Variants in CYB5B observed in about 807,000 individuals in gnomAD.
CYB5B encodes the protein cytochrome b5 type B.
A neutral mutation model predicts 21.3 loss-of-function variants in CYB5B; 14 were observed. The ratio of observed to expected loss-of-function variants is 0.66; its 90% confidence interval spans 0.43 to 1.03. CYB5B has a LOEUF of 1.03. CYB5B is among the 50% of genes least tolerant of loss of function. CYB5B has a pLI of 0.00. For missense variants in CYB5B, 166 were observed against 185.1 expected (o/e 0.90, Z 0.60); for synonymous variants, 69 against 68.4 (o/e 1.01, Z -0.04).
chr16:69,449,401 TG>T, intron 3 of CYB5B: 1 of 152,312 alleles, frequency 6.6e-6, no homozygotes, highest in East Asian at 1.9e-4. Context: ...ATATTGAACA[TG>T]TCCAGAAAAT....
At chr16:69,438,547 T>C (rs2014785561) in intron 1 of CYB5B, among the ~76,000 whole-genome samples, 1 of 152,174 alleles carries the variant, frequency 6.6e-6, no homozygotes, top group African/African-American at 2.4e-5. Flanking sequence ...ATTTTTTTTT[T>C]TTAATTGTAG....
intron 4 of CYB5B, among the ~76,000 whole-genome samples, chr16:69,459,806 A>G (rs950273252): frequency 6.6e-6 from 1 of 152,154 alleles, no homozygotes; most frequent in African/African-American, 2.4e-5. Flanking sequence ...AAAGTATCAG[A>G]TCTATTACTT....
intron 1 of CYB5B, among the ~76,000 whole-genome samples, chr16:69,439,597 C>G (rs192039220): frequency 8.2e-4 from 124 of 152,084 alleles, no homozygotes; most frequent in African/African-American, 2.9e-3. Flanking sequence ...GAGACAGTCT[C>G]ACTCTGTCAC....
In CYB5B at chr16:69,447,368, G is replaced by A. The variant is rs547378549; in HGVS notation, c.303+90G>A. 146 of 1,516,580 alleles carry A rather than the reference G, an allele frequency of 9.6e-5. 1 individual carries two copies. Among genetic ancestry groups the A allele is most frequent in the South Asian group, 2.4e-4 (19 of 78,588 alleles). The allele number at this position is 1,516,580 out of a possible 1,614,324, so 93.9% of individuals were successfully genotyped here. ...TGAAGAAATGAATTATTGGCTGGGCGTGGTGGCTCACACCTGTCATCCCAG... is the reference window on the plus strand; with the variant it reads ...TGAAGAAATGAATTATTGGCTGGGCATGGTGGCTCACACCTGTCATCCCAG... On this transcript the variant is annotated intron_variant, in intron 2 of 4. Coordinates refer to ENST00000307892, the MANE Select transcript of CYB5B (RefSeq NM_030579.3).
intron 4 of CYB5B, 132 bp downstream of exon 4, chr16:69,459,253 G>A: frequency 1.7e-6 from 2 of 1,150,232 alleles, no homozygotes; most frequent in Non-Finnish European, 1.2e-6. Context: ...CCAAATCATT[G>A]CAAATTCAGT....
chr16:69,429,397 T>A (rs1166076405), intron 1 of CYB5B, among the ~76,000 whole-genome samples: 2 of 152,152 alleles, frequency 1.3e-5, no homozygotes, highest in Non-Finnish European at 2.9e-5. Flanking sequence ...GATTGGTCCA[T>A]TTTTACAGAG....
intron 1 of CYB5B, 72 bp from the exon 2 acceptor site, chr16:69,447,078 G>A: frequency 6.5e-7 from 1 of 1,542,316 alleles, no homozygotes; most frequent in Non-Finnish European, 8.8e-7. Context: ...AGGAAGAAGG[G>A]GGTATGGGAA....
intron 3 of CYB5B, among the ~76,000 whole-genome samples, chr16:69,451,485 A>G (rs1391182692): frequency 6.6e-6 from 1 of 152,166 alleles, no homozygotes; most frequent in Non-Finnish European, 1.5e-5. Flanking sequence ...GCACCATTTC[A>G]TTCATTTCTT....
At chr16:69,439,551 T>C (rs966165168) in intron 1 of CYB5B, among the ~76,000 whole-genome samples, 14 of 151,982 alleles carry the variant, frequency 9.2e-5, no homozygotes, top group Admixed American at 2.0e-4. Context: ...GTTTATATTA[T>C]GATAAAAACA....
chr16:69,455,651 C>T (rs2142826206), intron 3 of CYB5B, among the ~76,000 whole-genome samples: 1 of 152,070 alleles, frequency 6.6e-6, no homozygotes, highest in Non-Finnish European at 1.5e-5. Context: ...CGTGATCCGC[C>T]CACCTTGGCC....
intron 2 of CYB5B, among the ~76,000 whole-genome samples, 168 bp from the exon 3 acceptor site, chr16:69,447,947 G>A (rs186741598): frequency 6.6e-6 from 1 of 151,752 alleles, no homozygotes; most frequent in African/African-American, 2.4e-5. Context: ...TCTAACAAGG[G>A]ACTCTGATAT....
intron 1 of CYB5B, among the ~76,000 whole-genome samples, chr16:69,436,172 C>A (rs2014758078): frequency 6.6e-6 from 1 of 152,216 alleles, no homozygotes; most frequent in South Asian, 2.1e-4. Flanking sequence ...TCCCAGCTCC[C>A]ATTATGTTCC....
At chr16:69,449,057 G>C (rs2014906316) in intron 3 of CYB5B, 1 of 152,172 alleles carries the variant, frequency 6.6e-6, no homozygotes, top group African/African-American at 2.4e-5. Flanking sequence ...CAGAGTGTTT[G>C]TGTAAATTAA....
chr16:69,431,111 G>A (rs544075144), intron 1 of CYB5B, among the ~76,000 whole-genome samples: 30 of 152,104 alleles, frequency 2.0e-4, no homozygotes, highest in African/African-American at 6.7e-4. Context: ...CGATTTTCCT[G>A]CCTCAGCCTC....
intron 1 of CYB5B, among the ~76,000 whole-genome samples, chr16:69,427,057 C>T (rs1365012400): frequency 6.6e-6 from 1 of 152,056 alleles, no homozygotes; most frequent in Non-Finnish European, 1.5e-5. Context: ...CTGGCCAACA[C>T]GGCGAAACCT....
intron 3 of CYB5B, chr16:69,448,362 G>C (rs961879030): frequency 3.6e-6 from 2 of 558,608 alleles, no homozygotes; most frequent in East Asian, 3.1e-5. Flanking sequence ...GCCTTTATAC[G>C]CTTTTTTTTT....
chr16:69,430,919 C>T (rs891145790), intron 1 of CYB5B, among the ~76,000 whole-genome samples: 16 of 151,880 alleles, frequency 1.1e-4, no homozygotes, highest in Non-Finnish European at 1.8e-4. Flanking sequence ...GTGATTCACC[C>T]GCCTCGGCCT....
chr16:69,455,992 C>G (rs559102006), intron 3 of CYB5B, among the ~76,000 whole-genome samples: 1 of 152,130 alleles, frequency 6.6e-6, no homozygotes, highest in Admixed American at 6.5e-5. Context: ...TTTCGTTTTA[C>G]AAACGAGGAA....
At chr16:69,429,016 G>A (rs953808212) in intron 1 of CYB5B, among the ~76,000 whole-genome samples, 23 of 152,328 alleles carry the variant, frequency 1.5e-4, no homozygotes, top group African/African-American at 5.3e-4. Flanking sequence ...TTTATTCTGA[G>A]ATGGGAAATC....
Sources: allele counts gnomAD v4.1 joint callset (sites outside exome capture counted in the v4.1 genomes callset), GRCh38; gene constraint gnomAD v4.1.1; transcripts MANE v1.5; gene names NCBI Gene and HGNC (gene_info 2026-07-23, HGNC 2026-07-21).